The following MOB4 variants were observed in gnomAD, a reference collection of about 807,000 sequenced individuals.
MOB4 encodes MOB-like protein phocein.
In MOB4, 4 loss-of-function variants were observed where a neutral mutation model predicts 32.2. That is an observed-to-expected ratio of 0.12 (90% confidence interval 0.06 to 0.28). MOB4 has a LOEUF of 0.28. Among genes scored for constraint, MOB4 ranks in the 10% least tolerant of loss-of-function variants. The pLI, the probability that MOB4 is intolerant of heterozygous loss-of-function variation, is 1.00. For missense variants in MOB4, 158 were observed against 271.2 expected, an observed-to-expected ratio of 0.58 and a Z score of 2.93; for synonymous variants, 88 against 88.1, an observed-to-expected ratio of 1.00 and a Z score of 0.01.
chr2:197,515,893 GT>G (rs1228527721), upstream of MOB4: 1 of 579,604 alleles, frequency 1.7e-6, no homozygotes, highest in Non-Finnish European at 3.0e-6. Context: ...ACCCGACGCC[GT>G]CCGGCTGTTC....
chr2:197,539,156 T>G (rs925003054), intron 3 of MOB4, among the ~76,000 whole-genome samples: 2 of 152,078 alleles, frequency 1.3e-5, no homozygotes, highest in African/African-American at 4.8e-5. Context: ...TAGTATTGAT[T>G]TATCTAACCT....
intron 1 of MOB4, among the ~76,000 whole-genome samples, chr2:197,523,134 T>G (rs2086550832): frequency 6.6e-6 from 1 of 152,140 alleles, no homozygotes; most frequent in South Asian, 2.1e-4. Context: ...TCATTGTAAC[T>G]TTTTGAGAGA....
At chr2:197,533,909 A>G in intron 2 of MOB4, 1 of 614,492 alleles carries the variant, frequency 1.6e-6, no homozygotes. Context: ...AAACTGAGTA[A>G]TAAAATCAGG....
chr2:197,543,981 CCG>C lies in MOB4; in HGVS notation c.354+3546_354+3547del, dbSNP rs1489557067. 2.6e-4 allele frequency among the ~76,000 whole-genome samples: 40 copies of C among 152,120 alleles called. 2 individuals are homozygous for C. The highest frequency in any genetic ancestry group is 9.4e-4 in the African/African-American group (39 of 41,518). ...CCTCGAACTCCTGACCTCATGTGAT[CCG>C]CCCACCTCAGCCTCCTAAAGTGCTG... On this transcript the variant is annotated intron_variant, in intron 5 of 7. Coordinates refer to ENST00000323303, the MANE Select transcript of MOB4 (RefSeq NM_015387.5).
chr2:197,529,862 C>T (rs1393143533), intron 2 of MOB4, among the ~76,000 whole-genome samples: 1 of 151,774 alleles, frequency 6.6e-6, no homozygotes, highest in South Asian at 2.1e-4. Context: ...CCATGTTGGC[C>T]GGAATGGTCT....
At chr2:197,516,907 AAAAT>A (rs887716320) in intron 1 of MOB4, among the ~76,000 whole-genome samples, 4 of 152,230 alleles carry the variant, frequency 2.6e-5, no homozygotes, top group African/African-American at 4.8e-5. Context: ...CCTCACATTA[AAAAT>A]AAATAAATAA....
intron 2 of MOB4, among the ~76,000 whole-genome samples, chr2:197,528,792 A>G (rs556527027): frequency 1.1e-4 from 17 of 148,116 alleles, no homozygotes; most frequent in Non-Finnish European, 1.8e-4. Context: ...ATTTTTTTGT[A>G]TTTTTAGTAG....
rs76403294 is a variant in MOB4, at chr2:197,530,597, C to T, written c.124-4933C>T. Among the ~76,000 whole-genome samples, 598 of 151,852 alleles carry T rather than the reference C, an allele frequency of 3.9e-3. 4 individuals carry two copies. Among genetic ancestry groups the T allele is most frequent in the African/African-American group, 0.013 (553 of 41,424 alleles). On this transcript the variant is annotated intron_variant, in intron 2 of 7. Coordinates refer to ENST00000323303, the MANE Select transcript of MOB4 (RefSeq NM_015387.5). Reference sequence around the variant, plus strand: ...TTCTGATGAGAAAGAATCTGTCATTCAAATTCTCCTGGCTTCTTTAGTGGT... The same window carrying T: ...TTCTGATGAGAAAGAATCTGTCATTTAAATTCTCCTGGCTTCTTTAGTGGT...
chr2:197,531,109 GCGAT>G (rs2086695555), intron 2 of MOB4, among the ~76,000 whole-genome samples: 1 of 148,594 alleles, frequency 6.7e-6, no homozygotes, highest in African/African-American at 2.5e-5. Flanking sequence ...GTGCAGTGGC[GCGAT>G]CTCGGCTCAC....
At chr2:197,541,328 T>G (rs2086891925) in intron 5 of MOB4, among the ~76,000 whole-genome samples, 1 of 152,210 alleles carries the variant, frequency 6.6e-6, no homozygotes, top group South Asian at 2.1e-4. Flanking sequence ...TTAATCTGTA[T>G]TCCCATTTAA....
intron 2 of MOB4, among the ~76,000 whole-genome samples, chr2:197,528,747 C>T (rs901162657): frequency 1.3e-5 from 2 of 151,306 alleles, no homozygotes; most frequent in African/African-American, 2.4e-5. Flanking sequence ...TCCCGAGTAG[C>T]TGGGACTACA....
chr2:197,533,617 C>T (rs777622272), intron 2 of MOB4, among the ~76,000 whole-genome samples: 3 of 145,886 alleles, frequency 2.1e-5, no homozygotes, highest in Non-Finnish European at 4.5e-5. Context: ...CCCAGCTACT[C>T]GGGAGGCTGA....
chr2:197,524,394 T>C (rs970565764), intron 2 of MOB4, among the ~76,000 whole-genome samples: 3 of 151,746 alleles, frequency 2.0e-5, no homozygotes, highest in African/African-American at 7.3e-5. Context: ...TAGCCAGACA[T>C]GGTGGCATGT....
intron 3 of MOB4, among the ~76,000 whole-genome samples, chr2:197,535,939 G>C (rs1041580484): frequency 3.5e-5 from 4 of 115,516 alleles, no homozygotes; most frequent in Non-Finnish European, 1.7e-5. Context: ...TCACTCTCTT[G>C]CCCACGTTGG....
At chr2:197,518,702 G>T (rs2086460523) in intron 1 of MOB4, among the ~76,000 whole-genome samples, 1 of 150,636 alleles carries the variant, frequency 6.6e-6, no homozygotes, top group South Asian at 2.1e-4. Context: ...AGCTGGGATT[G>T]CAGGTGCCTG....
intron 2 of MOB4, among the ~76,000 whole-genome samples, chr2:197,529,383 G>T (rs760497319): frequency 1.3e-5 from 2 of 151,076 alleles, no homozygotes; most frequent in African/African-American, 2.4e-5. Context: ...ATAGAGTCTC[G>T]CTCTGTCACC....
At chr2:197,541,156 C>T (rs1490332235) in intron 5 of MOB4, among the ~76,000 whole-genome samples, 4 of 152,134 alleles carry the variant, frequency 2.6e-5, no homozygotes, top group African/African-American at 9.7e-5. Context: ...CCACCTCAGT[C>T]TCCCAAAGTG....
At chr2:197,544,846 A>C (rs966289519) in intron 5 of MOB4, among the ~76,000 whole-genome samples, 1 of 152,196 alleles carries the variant, frequency 6.6e-6, no homozygotes, top group Non-Finnish European at 1.5e-5. Context: ...CAAAACCCCA[A>C]ATGGCATATA....
At chr2:197,522,569 G>C (rs747313293) in intron 1 of MOB4, among the ~76,000 whole-genome samples, 97 of 151,812 alleles carry the variant, frequency 6.4e-4, no homozygotes, top group Middle Eastern at 3.4e-3. Flanking sequence ...GACCTCAAGT[G>C]ATCCTTCCGC....
Sources: gnomAD v4.1 joint callset for allele counts (sites outside exome capture counted in the v4.1 genomes callset) on GRCh38, gnomAD v4.1.1 for gene constraint, MANE v1.5 for transcripts, NCBI Gene and HGNC (gene_info 2026-07-23, HGNC 2026-07-21) for gene names.